HYDIN: variants seen among roughly 807,000 people sequenced by gnomAD.
The protein encoded by HYDIN is HYDIN axonemal central pair apparatus protein.
A neutral mutation model predicts 403.9 loss-of-function variants in HYDIN; 132 were observed. That is an observed-to-expected ratio of 0.33 (90% CI 0.28 to 0.38). The LOEUF (loss-of-function observed/expected upper bound fraction) is 0.38. Among genes scored for constraint, HYDIN ranks in the 10% least tolerant of loss-of-function variants. The pLI is 1.00. For missense variants in HYDIN, 2,827 were observed against 5,009.5 expected, an observed-to-expected ratio of 0.56 and a Z score of 13.15; for synonymous variants, 1,202 against 1,891.7, an observed-to-expected ratio of 0.64 and a Z score of 9.46.
chr16:70,884,747 G>A (rs2041026318), intron 58 of HYDIN, among the ~76,000 whole-genome samples: 1 of 151,850 alleles, frequency 6.6e-6, no homozygotes, highest in Admixed American at 6.6e-5. Context: ...GGATGTTGGT[G>A]CAATCCTTAG....
chr16:71,205,443 C>A (rs753478145), intron 1 of HYDIN, among the ~76,000 whole-genome samples: 2 of 152,208 alleles, frequency 1.3e-5, no homozygotes, highest in African/African-American at 4.8e-5. Context: ...CCCCTGAAAC[C>A]CATCCCCAAC....
In HYDIN at chr16:70,829,848, C is replaced by A. The variant is rs1398911923; in HGVS notation, c.13900-18G>T. On this transcript the variant is annotated intron_variant, in intron 80 of 85. Transcript: ENST00000393567. ...TTCACTACCTGGAAGAAAGCAGGCA[C>A]CTCATCTTCCATGGCACTTCCCCCT... The A allele has an allele frequency of 1.2e-6, 2 of 1,610,076 alleles. No individual in the cohort carries two copies. The highest frequency in any genetic ancestry group is 2.7e-5 in the African/African-American group (2 of 74,884).
chr16:70,970,437 T>C (rs2078700384), intron 36 of HYDIN, 83 bp downstream of exon 36: 1 of 1,174,332 alleles, frequency 8.5e-7, no homozygotes, highest in Admixed American at 1.8e-5. Context: ...TATAGGGAAG[T>C]AATCACTAAA....
intron 21 of HYDIN, among the ~76,000 whole-genome samples, chr16:71,021,701 C>T (rs1482307212): frequency 1.3e-5 from 2 of 152,092 alleles, no homozygotes; most frequent in Non-Finnish European, 2.9e-5. Flanking sequence ...CAAAAAGAAC[C>T]TCCCTCCAAT....
chr16:71,169,675 T>G (rs1471587101), intron 5 of HYDIN, among the ~76,000 whole-genome samples: 2 of 152,028 alleles, frequency 1.3e-5, no homozygotes, highest in Non-Finnish European at 2.9e-5. Flanking sequence ...GGTTGGAGAA[T>G]TGGGGGATGC....
At position 70,962,059 on chromosome 16, in the gene HYDIN, G is replaced by C. The variant is rs547442004; in HGVS notation, c.5868C>G (p.Val1956=). The C allele has an allele frequency of 9.2e-7, 1 of 1,091,258 alleles. No individual in the cohort carries two copies. The highest frequency in any genetic ancestry group is 1.5e-5 in the South Asian group (1 of 67,476). The allele number at this position is 1,091,258 out of a possible 1,614,324, so 67.6% of individuals were successfully genotyped here. The change falls in exon 38 of 86, where the codon GTC becomes GTG. Residue 1956 remains valine (V), a synonymous_variant. Coordinates refer to ENST00000393567, the MANE Select transcript of HYDIN (RefSeq NM_001270974.2). ...CGTGCCATTCTTCCAGGTTGGATGT[G>C]ACAGAGATCCCTCGGCTCAGCGATG... ...KRTSLSRGIS[V]TSNLEEWHAL...
In HYDIN at chr16:70,883,956, T is replaced by C. The variant is rs753252096; in HGVS notation, c.9943A>G (p.Ile3315Val). The C allele has an allele frequency of 5.0e-6, 8 of 1,613,880 alleles. No individual in the cohort carries two copies. The highest frequency in any genetic ancestry group is 6.8e-6 in the Non-Finnish European group (8 of 1,180,052). ...GRDPAVHPAG[I>V]LYTLLAEACL... is the part of the protein sequence containing the mutation. The stretch of plus-strand genomic sequence containing the variant: ...GCTTCAGCTAGCAAAGTGTAAAGAA[T>C]GCCGGCAGGGTGGACTGCAGGGTCT... The change falls in exon 59 of 86, where the codon ATT (isoleucine) becomes GTT (valine). Residue 3315 changes from isoleucine to valine, a missense_variant. Physicochemically the swap from Ile to Val is conservative, Grantham distance 29. Transcript: ENST00000393567.
chr16:70,905,291 G>A (rs530326207), intron 50 of HYDIN, among the ~76,000 whole-genome samples: 21 of 151,854 alleles, frequency 1.4e-4, no homozygotes, highest in African/African-American at 4.6e-4. Context: ...CAGTCCTCAC[G>A]AATTTGTTGC....
intron 13 of HYDIN, among the ~76,000 whole-genome samples, chr16:71,072,155 T>C (rs1170415258): frequency 6.8e-6 from 1 of 147,824 alleles, no homozygotes; most frequent in Non-Finnish European, 1.5e-5. Flanking sequence ...ATCTAAGTGG[T>C]CTTTGACAAA....
intron 1 of HYDIN, among the ~76,000 whole-genome samples, chr16:71,187,754 A>C (rs891754054): frequency 4.6e-5 from 7 of 152,162 alleles, no homozygotes; most frequent in Non-Finnish European, 1.0e-4. Flanking sequence ...GATTTGAAGG[A>C]AAATGTAATA....
chr16:70,876,018 AT>A (rs978166344), intron 62 of HYDIN, among the ~76,000 whole-genome samples: 7 of 152,130 alleles, frequency 4.6e-5, no homozygotes, highest in Admixed American at 1.3e-4. Context: ...ATATAAAAAA[AT>A]TTTTTTTAAA....
intron 9 of HYDIN, among the ~76,000 whole-genome samples, chr16:71,126,322 G>T (rs1179323718): frequency 6.6e-6 from 1 of 151,984 alleles, no homozygotes; most frequent in Non-Finnish European, 1.5e-5. Context: ...GCGTGTCGAG[G>T]CTGAAACTTC....
chr16:70,923,811 ACT>A (rs1319762738), intron 45 of HYDIN, among the ~76,000 whole-genome samples: 1 of 144,268 alleles, frequency 6.9e-6, no homozygotes, highest in African/African-American at 2.6e-5. Flanking sequence ...ACAGAGCAAG[ACT>A]CTGTCTCAAA....
chr16:70,820,187 C>CTTTT (rs57769826), intron 83 of HYDIN, among the ~76,000 whole-genome samples: 17 of 91,814 alleles, frequency 1.9e-4, no homozygotes, highest in Non-Finnish European at 2.9e-4. Context: ...TTTCTTTTTT[C>CTTTT]TTTTTTTTTT....
intron 75 of HYDIN, among the ~76,000 whole-genome samples, chr16:70,840,522 T>G (rs1259127939): frequency 6.6e-6 from 1 of 152,206 alleles, no homozygotes; most frequent in Admixed American, 6.5e-5. Context: ...CCGCTCCCCA[T>G]GGCTTCCTTC....
At chr16:70,916,672 T>C (rs1196943270) in intron 47 of HYDIN, among the ~76,000 whole-genome samples, 2 of 152,166 alleles carry the variant, frequency 1.3e-5, no homozygotes, top group Non-Finnish European at 2.9e-5. Flanking sequence ...TCTGCCATGA[T>C]CTGTTATGTT....
At chr16:71,206,037 G>C (rs896443965) in intron 1 of HYDIN, among the ~76,000 whole-genome samples, 1 of 152,130 alleles carries the variant, frequency 6.6e-6, no homozygotes, top group Admixed American at 6.5e-5. Flanking sequence ...GCCTCCTATT[G>C]CTTTGGAAAC....
intron 1 of HYDIN, among the ~76,000 whole-genome samples, chr16:71,197,090 G>C (rs923252662): frequency 3.3e-5 from 5 of 152,064 alleles, no homozygotes; most frequent in South Asian, 2.1e-4. Flanking sequence ...TTGGGGTCTG[G>C]ATTGGGACCC....
At chr16:70,853,311 TC>T (rs1176249243) in intron 73 of HYDIN, among the ~76,000 whole-genome samples, 1 of 152,164 alleles carries the variant, frequency 6.6e-6, no homozygotes, top group Admixed American at 6.5e-5. Flanking sequence ...CCGTTTTTTT[TC>T]TTTTTTTTTT....
Sources: allele counts gnomAD v4.1 joint callset (sites outside exome capture counted in the v4.1 genomes callset), GRCh38; gene constraint gnomAD v4.1.1; transcripts MANE v1.5; gene names NCBI Gene and HGNC (gene_info 2026-07-23, HGNC 2026-07-21).